SLC35F4: variants seen among roughly 807,000 people sequenced by gnomAD.
SLC35F4 encodes chromosome 14 open reading frame 36.
In SLC35F4, 24 loss-of-function variants were observed where a neutral mutation model predicts 44.2. The ratio of observed to expected loss-of-function variants is 0.54; its 90% CI spans 0.39 to 0.76. The LOEUF (loss-of-function observed/expected upper bound fraction) is 0.76, where lower values mean the gene tolerates loss of function less well. SLC35F4 is among the 30% of genes least tolerant of loss of function. SLC35F4 has a pLI of 0.00. For missense variants in SLC35F4, 562 were observed against 586.1 expected, an observed-to-expected ratio of 0.96 and a Z score of 0.42; for synonymous variants, 238 against 223.6, an observed-to-expected ratio of 1.06 and a Z score of -0.57.
intron 1 of SLC35F4, among the ~76,000 whole-genome samples, chr14:57,688,220 G>T (rs1053650780): frequency 6.6e-6 from 1 of 152,026 alleles, no homozygotes; most frequent in Non-Finnish European, 1.5e-5. Context: ...GACAGACAGA[G>T]ACTGAGAGAT....
At chr14:57,622,007 C>G (rs370091924) in intron 1 of SLC35F4, among the ~76,000 whole-genome samples, 4,498 of 150,450 alleles carry the variant, frequency 0.03, 87 homozygotes, top group Middle Eastern at 0.052. Flanking sequence ...AGTGGGCGAA[C>G]GACATGAACA....
intron 1 of SLC35F4, among the ~76,000 whole-genome samples, chr14:57,761,535 T>C (rs1173849458): frequency 1.3e-5 from 2 of 152,204 alleles, no homozygotes; most frequent in Non-Finnish European, 2.9e-5. Flanking sequence ...ATTTCTGATA[T>C]GCACTGATTT....
intron 6 of SLC35F4, among the ~76,000 whole-genome samples, chr14:57,567,468 G>A (rs1223661032): frequency 1.3e-5 from 2 of 152,166 alleles, no homozygotes; most frequent in Non-Finnish European, 2.9e-5. Context: ...TAAGGATGAT[G>A]TATGTTCTTC....
chr14:57,765,655 C>A (rs1207296365), intron 1 of SLC35F4, among the ~76,000 whole-genome samples: 2 of 152,172 alleles, frequency 1.3e-5, no homozygotes, highest in Non-Finnish European at 2.9e-5. Flanking sequence ...CAGATTATCT[C>A]ATTTTACAAG....
intron 1 of SLC35F4, among the ~76,000 whole-genome samples, chr14:57,838,600 T>C (rs1885176404): frequency 6.6e-6 from 1 of 152,106 alleles, no homozygotes; most frequent in South Asian, 2.1e-4. Context: ...GAGCTATATA[T>C]ATAAAAGCAA....
rs867068426 is a variant in SLC35F4 at position 57,880,054 on chromosome 14, A to G, written n.282+101859T>C. Among the ~76,000 whole-genome samples the G allele has an allele frequency of 9.5e-5, 5 of 52,750 alleles. 1 individual carries two copies. The highest frequency in any genetic ancestry group is 3.6e-4 in the Admixed American group (2 of 5,582). 34.6% of individuals were successfully genotyped at this position (52,750 alleles called of 152,430 possible). On this transcript the variant is annotated intron_variant and non_coding_transcript_variant, in intron 1 of 1. Transcript: ENST00000556568. ...GGAGGGAGGAAGGAAGGAAGGAAGGAAGGAAGGAAGGAAGGAAGGAAGGAA... is the reference window on the plus strand; with the variant it reads ...GGAGGGAGGAAGGAAGGAAGGAAGGGAGGAAGGAAGGAAGGAAGGAAGGAA...
chr14:57,977,133 C>T (rs556564446), intron 1 of SLC35F4, among the ~76,000 whole-genome samples: 1 of 152,242 alleles, frequency 6.6e-6, no homozygotes, highest in African/African-American at 2.4e-5. Context: ...AAAAATACTA[C>T]AGTACTTTGT....
chr14:57,937,586 G>GAAAGAAAGAAAAGAAAAGA (rs1889825535), intron 1 of SLC35F4, among the ~76,000 whole-genome samples: 1 of 114,012 alleles, frequency 8.8e-6, no homozygotes, highest in Non-Finnish European at 1.8e-5. Flanking sequence ...GAAAAGAAAA[G>GAAAGAAAGAAAAGAAAAGA]AAAGAAAAGA....
At chr14:57,982,582 G>A (rs577830124), upstream of SLC35F4, among the ~76,000 whole-genome samples, 1 of 152,168 alleles carries the variant, frequency 6.6e-6, no homozygotes, top group East Asian at 1.9e-4. Flanking sequence ...AGAGAGGAGG[G>A]GAGCCAGATC....
chr14:57,905,011 A>ATTTTT (rs1889079816), intron 1 of SLC35F4, among the ~76,000 whole-genome samples: 2 of 152,170 alleles, frequency 1.3e-5, no homozygotes, highest in Non-Finnish European at 2.9e-5. Flanking sequence ...ATGTAACAAT[A>ATTTTT]AGAATAATTT....
intron 1 of SLC35F4, among the ~76,000 whole-genome samples, chr14:57,785,199 T>C (rs891556486): frequency 6.6e-6 from 1 of 152,094 alleles, no homozygotes. Context: ...TAAGCCTCGG[T>C]TACCTGAAGT....
At chr14:57,816,947 C>T (rs1882671622) in intron 1 of SLC35F4, among the ~76,000 whole-genome samples, 1 of 152,196 alleles carries the variant, frequency 6.6e-6, no homozygotes, top group African/African-American at 2.4e-5. Flanking sequence ...ATGGAATCAC[C>T]TCTTAACTAC....
intron 1 of SLC35F4, among the ~76,000 whole-genome samples, chr14:57,843,683 ACTT>A (rs760128421): frequency 4.0e-4 from 61 of 152,160 alleles, no homozygotes; most frequent in Non-Finnish European, 1.3e-4. Flanking sequence ...CCCCATTTGG[ACTT>A]CTTCTTAATG....
intron 1 of SLC35F4, among the ~76,000 whole-genome samples, chr14:57,645,975 A>G (rs1458204854): frequency 6.6e-6 from 1 of 152,166 alleles, no homozygotes; most frequent in Non-Finnish European, 1.5e-5. Flanking sequence ...GATGAAGCCC[A>G]CTTGATCATG....
chr14:57,962,469 A>T (rs1890357124), intron 1 of SLC35F4, among the ~76,000 whole-genome samples: 1 of 152,176 alleles, frequency 6.6e-6, no homozygotes, highest in Non-Finnish European at 1.5e-5. Context: ...GCCTCAACCT[A>T]AATTAGGAAA....
chr14:57,868,738 A>G (rs1377082728), upstream of SLC35F4, among the ~76,000 whole-genome samples: 1 of 152,230 alleles, frequency 6.6e-6, no homozygotes, highest in African/African-American at 2.4e-5. Context: ...TGCTGGGACT[A>G]CAGGCATGAG....
chr14:57,631,390 G>A (rs371328439), intron 1 of SLC35F4, among the ~76,000 whole-genome samples: 1 of 152,024 alleles, frequency 6.6e-6, no homozygotes, highest in African/African-American at 2.4e-5. Flanking sequence ...GGAAAATAAT[G>A]TTCTTATATA....
chr14:57,757,688 AT>A (rs999250713), intron 1 of SLC35F4, among the ~76,000 whole-genome samples: 2 of 152,118 alleles, frequency 1.3e-5, no homozygotes, highest in African/African-American at 4.8e-5. Context: ...ACTTTATGCA[AT>A]TTTTATCATC....
chr14:57,663,360 C>G (rs762406563), intron 1 of SLC35F4, among the ~76,000 whole-genome samples: 1 of 152,154 alleles, frequency 6.6e-6, no homozygotes, highest in Admixed American at 6.6e-5. Context: ...AAGTGCCAAT[C>G]AGCATTTCAA....
Sources: allele counts gnomAD v4.1 joint callset (sites outside exome capture counted in the v4.1 genomes callset), GRCh38; gene constraint gnomAD v4.1.1; transcripts MANE v1.5; gene names NCBI Gene and HGNC (gene_info 2026-07-23, HGNC 2026-07-21).